The following LRP2 variants were observed in gnomAD, a reference collection of about 807,000 sequenced individuals.
LRP2 encodes LDL receptor related protein 2.
A neutral mutation model predicts 531.0 loss-of-function variants in LRP2; 172 were observed. That is an observed-to-expected ratio of 0.32 (90% confidence interval 0.29 to 0.37). The LOEUF is 0.37. LRP2 is among the 10% of genes least tolerant of loss of function. The pLI, the probability that LRP2 is intolerant of heterozygous loss-of-function variation, is 1.00. For synonymous variants in LRP2, 1,992 were observed against 2,027.6 expected (o/e 0.98, Z 0.47); for missense variants, 5,167 against 5,868.3 (o/e 0.88, Z 3.90).
At chr2:169,131,947 G>A (rs1040668488) in intron 77 of LRP2, among the ~76,000 whole-genome samples, 1 of 152,120 alleles carries the variant, frequency 6.6e-6, no homozygotes, top group African/African-American at 2.4e-5. Context: ...AGACCAAATA[G>A]TGTACCAATT....
intron 50 of LRP2, chr2:169,182,564 C>T: frequency 7.3e-7 from 1 of 1,375,188 alleles, no homozygotes; most frequent in Non-Finnish European, 9.4e-7. Flanking sequence ...ATACGGGGGA[C>T]ACACTTCATT....
At chr2:169,339,088 T>C (rs1442477535) in intron 1 of LRP2, among the ~76,000 whole-genome samples, 1 of 148,054 alleles carries the variant, frequency 6.8e-6, no homozygotes, top group Non-Finnish European at 1.5e-5. Context: ...AAATATTGTC[T>C]CCCTCTCAAT....
chr2:169,228,423 T>C (rs985099535), intron 31 of LRP2, among the ~76,000 whole-genome samples: 5 of 152,182 alleles, frequency 3.3e-5, no homozygotes, highest in African/African-American at 1.2e-4. Flanking sequence ...ACTGGCTCAG[T>C]AGAAACTATC....
At chr2:169,360,524 G>A (rs1686121193) in intron 1 of LRP2, among the ~76,000 whole-genome samples, 2 of 152,052 alleles carry the variant, frequency 1.3e-5, no homozygotes, top group African/African-American at 2.4e-5. Flanking sequence ...CATCAACCCA[G>A]GAAAAAGAAT....
intron 19 of LRP2, among the ~76,000 whole-genome samples, chr2:169,255,800 G>A (rs1254515409): frequency 5.3e-5 from 8 of 152,152 alleles, no homozygotes; most frequent in African/African-American, 1.2e-4. Context: ...GTTTCCTCAC[G>A]TGATACTTGT....
At chr2:169,361,035 T>G (rs186630151) in intron 1 of LRP2, among the ~76,000 whole-genome samples, 87 of 152,356 alleles carry the variant, frequency 5.7e-4, no homozygotes, top group Non-Finnish European at 9.6e-4. Flanking sequence ...GAAAATCAAT[T>G]TATTGCTTTG....
intron 60 of LRP2, 86 bp from the exon 61 acceptor site, chr2:169,168,762 T>A: frequency 7.0e-7 from 1 of 1,436,138 alleles, no homozygotes; most frequent in Non-Finnish European, 9.7e-7. Context: ...CTTTGGCTCT[T>A]GCCATTATAG....
Position 169,206,316 on chromosome 2 carries a change from T to C in LRP2, c.7390+14A>G, listed in dbSNP as rs376021132. On this transcript the variant is annotated intron_variant, in intron 39 of 78. Transcript: ENST00000649046. ...GTCTACTTGCAGGACAAGCAGCACC[T>C]GGAGTGCACTTACCTGAAGCAATGA... 6.2e-7 allele frequency: 1 copy of C among 1,613,526 alleles called. No homozygotes were observed. Among genetic ancestry groups the C allele is most frequent in the Admixed American group, 1.7e-5 (1 of 59,980 alleles).
chr2:169,130,069 G>A (rs890292106), intron 77 of LRP2, among the ~76,000 whole-genome samples: 1 of 152,206 alleles, frequency 6.6e-6, no homozygotes, highest in Non-Finnish European at 1.5e-5. Context: ...GTGCCCCCAA[G>A]GGGAACATGA....
At chr2:169,273,157 G>A in intron 14 of LRP2, 90 bp from the exon 15 acceptor site, 2 of 1,444,614 alleles carry the variant, frequency 1.4e-6, no homozygotes, top group Admixed American at 3.4e-5. Context: ...TTCACCTATA[G>A]GTGAAATAGA....
intron 63 of LRP2, among the ~76,000 whole-genome samples, chr2:169,161,905 T>C (rs1247656255): frequency 6.6e-6 from 1 of 152,220 alleles, no homozygotes; most frequent in Non-Finnish European, 1.5e-5. Context: ...ATTTTTTTCA[T>C]GTATATACTT....
At chr2:169,143,684 C>A (rs1203163768) in intron 70 of LRP2, among the ~76,000 whole-genome samples, 1 of 152,064 alleles carries the variant, frequency 6.6e-6, no homozygotes, top group African/African-American at 2.4e-5. Flanking sequence ...CCTATTGATG[C>A]CCATTCACAG....
chr2:169,339,906 A>G (rs1685518258), intron 1 of LRP2, among the ~76,000 whole-genome samples: 1 of 152,238 alleles, frequency 6.6e-6, no homozygotes, highest in Non-Finnish European at 1.5e-5. Flanking sequence ...GAATTCCAAT[A>G]TGAAGTAACC....
chr2:169,208,264 C>G (rs937218075), intron 38 of LRP2, among the ~76,000 whole-genome samples: 5 of 152,156 alleles, frequency 3.3e-5, no homozygotes, highest in Admixed American at 1.3e-4. Flanking sequence ...CAACAGGCTG[C>G]ATTTGACGCA....
At position 169,185,929 on chromosome 2, in the gene LRP2, C is replaced by G; in HGVS notation, c.9419G>C (p.Gly3140Ala). ...LTSFYCSCRP[G>A]YKLMSDKRTC... ...CCGCTTGTCAGACATGAGCTTGTAA[C>G]CAGGACGACAGGAACAATAGAAACT... is the stretch of plus-strand genomic sequence containing the variant. Residue 3140 changes from glycine (G) to alanine (A), a missense_variant, in exon 50 of 79, where the codon GGT (glycine) becomes GCT (alanine). Physicochemically the swap from Gly to Ala is moderately conservative, Grantham distance 60. This residue lies in a region of LRP2 where 1,129 missense variants were observed against 1,362.7 expected (regional missense o/e 0.83). Coordinates refer to ENST00000649046, the MANE Select transcript of LRP2 (RefSeq NM_004525.3). 1 of 1,613,900 alleles carries G rather than the reference C, an allele frequency of 6.2e-7. No homozygotes were observed. Among genetic ancestry groups the G allele is most frequent in the East Asian group, 2.2e-5 (1 of 44,874 alleles).
chr2:169,317,614 T>G (rs1428646750), intron 3 of LRP2, among the ~76,000 whole-genome samples: 1 of 152,242 alleles, frequency 6.6e-6, no homozygotes, highest in Non-Finnish European at 1.5e-5. Context: ...TGTTTAACTT[T>G]TTTGAGTTGT....
chr2:169,258,874 G>C (rs1035148148), intron 17 of LRP2, 151 bp downstream of exon 17: 1 of 739,150 alleles, frequency 1.4e-6, no homozygotes, highest in African/African-American at 1.8e-5. Context: ...AAGTTTTTTG[G>C]AGGAAAAAAG....
intron 31 of LRP2, among the ~76,000 whole-genome samples, chr2:169,228,471 CACTT>C (rs770286968): frequency 2.1e-4 from 32 of 152,266 alleles, no homozygotes; most frequent in South Asian, 4.2e-4. Context: ...AATTTTTACT[CACTT>C]ACGTAAGATC....
intron 1 of LRP2, among the ~76,000 whole-genome samples, chr2:169,351,879 T>G (rs1685860064): frequency 6.6e-6 from 1 of 152,108 alleles, no homozygotes; most frequent in Non-Finnish European, 1.5e-5. Flanking sequence ...TGAGCGCGTA[T>G]GTATGCAGGG....
Sources: allele counts gnomAD v4.1 joint callset (sites outside exome capture counted in the v4.1 genomes callset), GRCh38; gene constraint gnomAD v4.1.1; regional missense constraint gnomAD v4.1.1; transcripts MANE v1.5; gene names NCBI Gene and HGNC (gene_info 2026-07-23, HGNC 2026-07-21).